FBXO47: variants seen among roughly 807,000 people sequenced by gnomAD.
FBXO47 encodes the protein F-box protein 47.
A neutral mutation model predicts 53.9 loss-of-function variants in FBXO47; 34 were observed. The ratio of observed to expected loss-of-function variants is 0.63; its 90% CI spans 0.48 to 0.84. FBXO47 has a LOEUF of 0.84. Ranked by LOEUF, FBXO47 falls within the 40% of genes least tolerant of loss-of-function variation. FBXO47 has a pLI of 0.00. For synonymous variants in FBXO47, 165 were observed against 181.6 expected, an observed-to-expected ratio of 0.91 and a Z score of 0.73; for missense variants, 485 against 541.3, an observed-to-expected ratio of 0.90 and a Z score of 1.03.
At chr17:38,946,628 ATG>A (rs1491037362) in intron 6 of FBXO47, among the ~76,000 whole-genome samples, 2 of 34,822 alleles carry the variant, frequency 5.7e-5, no homozygotes, top group Non-Finnish European at 9.0e-5. Context: ...ATAAATATAT[ATG>A]AATATATAAA....
chr17:38,963,826 T>C (rs1905954766), intron 1 of FBXO47, among the ~76,000 whole-genome samples: 1 of 146,830 alleles, frequency 6.8e-6, no homozygotes, highest in South Asian at 2.2e-4. Flanking sequence ...TGTCAAGGTC[T>C]TGCTCTGTTG....
intron 9 of FBXO47, 130 bp from the exon 10 acceptor site, chr17:38,938,862 G>T: frequency 1.5e-6 from 1 of 677,206 alleles, no homozygotes; most frequent in Non-Finnish European, 2.4e-6. Flanking sequence ...ACCATACTGA[G>T]TCTATACATG....
At chr17:38,946,951 T>A (rs1190960614) in intron 6 of FBXO47, among the ~76,000 whole-genome samples, 1 of 121,876 alleles carries the variant, frequency 8.2e-6, no homozygotes, top group Non-Finnish European at 1.6e-5. Context: ...TAAACATATA[T>A]AAATATATAA....
At chr17:38,948,208 T>C (rs1905034439) in intron 6 of FBXO47, among the ~76,000 whole-genome samples, 1 of 41,462 alleles carries the variant, frequency 2.4e-5, no homozygotes, top group South Asian at 9.7e-4. Context: ...CTATTCTGGA[T>C]TTTTTTTTTT....
At chr17:38,939,579 C>T (rs967784276) in intron 9 of FBXO47, among the ~76,000 whole-genome samples, 5 of 144,046 alleles carry the variant, frequency 3.5e-5, no homozygotes, top group Non-Finnish European at 7.5e-5. Flanking sequence ...ATATTTGTTT[C>T]TTCATTATTG....
intron 1 of FBXO47, among the ~76,000 whole-genome samples, chr17:38,964,720 T>G (rs965278349): frequency 2.0e-5 from 3 of 152,146 alleles, no homozygotes; most frequent in African/African-American, 7.2e-5. Flanking sequence ...CACTGATGAA[T>G]CTTAGAAAGG....
Position 38,962,960 on chromosome 17 carries a change from A to C in FBXO47, c.66T>G (p.Arg22=). ...GGGTCTTGGAATAACAGCTGGTTTGACGATTACTACGTCTAAGTTTCTGGT... is the reference window on the plus strand; with the variant it reads ...GGGTCTTGGAATAACAGCTGGTTTGCCGATTACTACGTCTAAGTTTCTGGT... ...IPNQKLRRSN[R]QTSCYSKTLG... Residue 22 remains arginine (R), a synonymous_variant, in exon 2 of 11, where the codon CGT becomes CGG. Transcript: ENST00000378079. The C allele has an allele frequency of 6.2e-7, 1 of 1,613,310 alleles. No individual in the cohort carries two copies. The highest frequency in any genetic ancestry group is 1.1e-5 in the South Asian group (1 of 91,042).
rs551915161 is a variant in FBXO47 at position 38,944,395 on chromosome 17, C to G, written c.793+565G>C. On this transcript the variant is annotated intron_variant, in intron 7 of 10. Transcript: ENST00000378079. Reference sequence around the variant, plus strand: ...CATCCTGGATAACACGGTGAAACCCCGTCTTTACTAAAAATACAAAAAACT... The same window carrying G: ...CATCCTGGATAACACGGTGAAACCCGGTCTTTACTAAAAATACAAAAAACT... Among the ~76,000 whole-genome samples the G allele has an allele frequency of 1.3e-3, 195 of 151,188 alleles. 1 individual carries two copies. Among genetic ancestry groups the G allele is most frequent in the African/African-American group, 4.2e-3 (172 of 41,206 alleles).
intron 5 of FBXO47, among the ~76,000 whole-genome samples, chr17:38,952,338 A>T (rs1402630002): frequency 6.6e-6 from 1 of 152,134 alleles, no homozygotes; most frequent in Non-Finnish European, 1.5e-5. Context: ...AAAACAAAAC[A>T]AAAACAACAC....
rs144214721 is a variant in FBXO47 at position 38,949,676 on chromosome 17, T to C, written c.616+1905A>G. 2.6e-3 allele frequency among the ~76,000 whole-genome samples: 391 copies of C among 152,328 alleles called. 2 individuals are homozygous for C. Among genetic ancestry groups the C allele is most frequent in the African/African-American group, 8.7e-3 (361 of 41,570 alleles). ...GTTGTCACATTCTCACTAACACTTA[T>C]TATTTAAATCGAACTTTCTGATTCT... On this transcript the variant is annotated intron_variant, in intron 6 of 10. Coordinates refer to ENST00000378079, the MANE Select transcript of FBXO47 (RefSeq NM_001008777.3).
At chr17:38,944,640 C>T (rs1389766855) in intron 7 of FBXO47, among the ~76,000 whole-genome samples, 1 of 147,722 alleles carries the variant, frequency 6.8e-6, no homozygotes, top group East Asian at 2.0e-4. Context: ...AATTGGAGCT[C>T]GCAGTGAGCC....
chr17:38,960,127 A>G (rs1567722492), intron 3 of FBXO47, among the ~76,000 whole-genome samples: 2 of 151,948 alleles, frequency 1.3e-5, no homozygotes, highest in Non-Finnish European at 2.9e-5. Context: ...CATTCTGAAA[A>G]TCTTATTTTA....
chr17:38,946,964 A>T (rs1404218111), intron 6 of FBXO47, among the ~76,000 whole-genome samples: 1 of 116,236 alleles, frequency 8.6e-6, no homozygotes, highest in East Asian at 2.7e-4. Flanking sequence ...ATATATAAAC[A>T]TATATAAATA....
At chr17:38,954,393 G>A (rs933171599) in intron 5 of FBXO47, among the ~76,000 whole-genome samples, 4 of 152,104 alleles carry the variant, frequency 2.6e-5, no homozygotes, top group Non-Finnish European at 4.4e-5. Context: ...ATGAATAAAC[G>A]CTAGTTATTA....
At chr17:38,960,247 A>G (rs1036401524) in intron 3 of FBXO47, among the ~76,000 whole-genome samples, 3 of 151,932 alleles carry the variant, frequency 2.0e-5, no homozygotes, top group Non-Finnish European at 4.4e-5. Context: ...AGCCTGGGCA[A>G]CACTGCAAGA....
At chr17:38,944,544 T>C (rs939952768) in intron 7 of FBXO47, among the ~76,000 whole-genome samples, 8 of 150,454 alleles carry the variant, frequency 5.3e-5, no homozygotes, top group Non-Finnish European at 8.9e-5. Context: ...CTACTAAAAA[T>C]ACAAAAAATT....
At chr17:38,966,939 G>A (rs1257470075) in intron 1 of FBXO47, among the ~76,000 whole-genome samples, 1 of 151,994 alleles carries the variant, frequency 6.6e-6, no homozygotes, top group African/African-American at 2.4e-5. Context: ...TTGACCGCGC[G>A]TGAAAGGTTT....
intron 6 of FBXO47, among the ~76,000 whole-genome samples, chr17:38,946,945 CAT>C (rs1386063029): frequency 2.1e-4 from 22 of 102,962 alleles, no homozygotes; most frequent in Non-Finnish European, 3.2e-4. Flanking sequence ...TATATATAAA[CAT>C]ATATAAATAT....
At chr17:38,949,159 GTAA>G (rs1905078138) in intron 6 of FBXO47, among the ~76,000 whole-genome samples, 1 of 152,112 alleles carries the variant, frequency 6.6e-6, no homozygotes. Flanking sequence ...GCTCATGCCT[GTAA>G]TTCCAGCACT....
Sources: gnomAD v4.1 joint callset for allele counts (sites outside exome capture counted in the v4.1 genomes callset) on GRCh38, gnomAD v4.1.1 for gene constraint, MANE v1.5 for transcripts, NCBI Gene and HGNC (gene_info 2026-07-23, HGNC 2026-07-21) for gene names.